Variants in TTN observed in about 807,000 individuals in gnomAD.
TTN encodes connectin.
A neutral mutation model predicts 3,223.0 loss-of-function variants in TTN; 1,525 were observed. The ratio of observed to expected loss-of-function variants is 0.47; its 90% CI spans 0.45 to 0.49. The LOEUF (loss-of-function observed/expected upper bound fraction) is 0.49, where lower values mean the gene tolerates loss of function less well. Among genes scored for constraint, TTN ranks in the 20% least tolerant of loss-of-function variants. The pLI is 0.00. For missense variants in TTN, 40,786 were observed against 43,424.0 expected, an observed-to-expected ratio of 0.94 and a Z score of 5.40; for synonymous variants, 14,094 against 15,161.0, an observed-to-expected ratio of 0.93 and a Z score of 5.17.
chr2:178,710,723 T>C lies in TTN; in HGVS notation c.28374A>G (p.Lys9458=), dbSNP rs936434591. The change falls in exon 98 of 363, where the codon AAA becomes AAG. Residue 9458 remains lysine, a synonymous_variant. Coordinates refer to ENST00000589042, the MANE Select transcript of TTN (RefSeq NM_001267550.2). ...LENSAHLTVL[K]VDKGDSGQYT... ...ATTGTCCAGAATCTCCTTTGTCTAC[T>C]TTGAGGACTGTCAGGTGGGCGCTGT... 1.2e-6 allele frequency: 2 copies of C among 1,613,718 alleles called. No homozygotes were observed. The highest frequency in any genetic ancestry group is 2.7e-5 in the African/African-American group (2 of 74,920).
chr2:178,527,754 G>A lies in TTN; in HGVS notation c.107378-6C>T, dbSNP rs1255018196. 1 of 1,573,790 alleles carries A rather than the reference G, an allele frequency of 6.4e-7. No homozygotes were observed. On this transcript the variant is annotated splice_polypyrimidine_tract_variant and splice_region_variant and intron_variant, in intron 361 of 362. Transcript: ENST00000589042. Reference sequence around the variant, plus strand: ...GGAAGGTTCTTCAACTAGAGCTGTGGAGCATAGCAGATACACAGTGAACAT... The same window carrying A: ...GGAAGGTTCTTCAACTAGAGCTGTGAAGCATAGCAGATACACAGTGAACAT...
intron 120 of TTN, 129 bp downstream of exon 120, chr2:178,692,368 A>C (rs1194138013): frequency 7.2e-6 from 7 of 972,236 alleles, no homozygotes; most frequent in Non-Finnish European, 1.1e-5. Flanking sequence ...CAAATAAATG[A>C]AATCAATATA....
intron 162 of TTN, 52 bp from the exon 163 acceptor site, chr2:178,666,953 A>G: frequency 3.1e-6 from 4 of 1,282,976 alleles, no homozygotes; most frequent in Non-Finnish European, 3.2e-6. Context: ...AGGCATAAAG[A>G]CATGACATAC....
At chr2:178,677,594 T>C in intron 146 of TTN, 27 bp downstream of exon 146, 2 of 1,581,238 alleles carry the variant, frequency 1.3e-6, no homozygotes, top group Non-Finnish European at 1.7e-6. Context: ...AAAGAGGCCT[T>C]GATGATTCCA....
rs770209333 is a variant in TTN at position 178,542,855 on chromosome 2, A to C, written c.96999T>G (p.Arg32333=). The change falls in exon 348 of 363, where the codon CGT becomes CGG. Residue 32333 remains arginine, a synonymous_variant. Coordinates refer to ENST00000589042, the MANE Select transcript of TTN (RefSeq NM_001267550.2). The part of the protein sequence containing the change: ...PVELVIPIAG[R]PPPAASWFFA... ...AGAACCAGGAAGCAGCAGGAGGTGG[A>C]CGGCCAGCAATAGGTATCACCAGCT... 1.2e-6 allele frequency: 2 copies of C among 1,613,832 alleles called. No homozygotes were observed. The highest frequency in any genetic ancestry group is 1.7e-6 in the Non-Finnish European group (2 of 1,179,778).
rs2081325701 is a variant in TTN, at chr2:178,735,715, C to T, written c.14731G>A (p.Val4911Ile). Residue 4911 changes from valine (V) to isoleucine (I), a missense_variant, in exon 50 of 363, where the codon GTA becomes ATA. Val to Ile is a conservative substitution (Grantham distance 29). Transcript: ENST00000589042. Reference protein sequence around the residue: ...INKKVHLECQVDEDRKVTVTW... With the variant: ...INKKVHLECQIDEDRKVTVTW... ...ACTGTGACTTTTCTGTCTTCATCTA[C>T]TTGGCACTCAAGGTGGACCTTCTTA... 5 of 1,613,806 alleles carry T rather than the reference C, an allele frequency of 3.1e-6. No individual in the cohort carries two copies. The highest frequency in any genetic ancestry group is 2.2e-5 in the East Asian group (1 of 44,842).
rs2076915544 is a variant in TTN, at chr2:178,713,171, A to G, written c.26963T>C (p.Leu8988Pro). 2 of 1,613,790 alleles carry G rather than the reference A, an allele frequency of 1.2e-6. No homozygotes were observed. Among genetic ancestry groups the G allele is most frequent in the East Asian group, 4.5e-5 (2 of 44,862 alleles). The change falls in exon 93 of 363, where the codon CTG (leucine) becomes CCG (proline). Residue 8988 changes from leucine (L) to proline (P), a missense_variant. By Grantham distance (98) the Leu-to-Pro change is moderately conservative. Transcript: ENST00000589042. ...GTAGTCACCACTGTCTGATTCTTCC[A>G]GCATGTTCACAGTTAAAGCACAAGT... Reference protein sequence around the residue: ...DNTCALTVNMLEESDSGDYTC... With the variant: ...DNTCALTVNMPEESDSGDYTC...
In TTN at chr2:178,534,701, AGTT is replaced by A; in HGVS notation, c.101911_101913del (p.Asn33971del). 1 of 1,613,808 alleles carries A rather than the reference AGTT, an allele frequency of 6.2e-7. No individual in the cohort carries two copies. The highest frequency in any genetic ancestry group is 8.5e-7 in the Non-Finnish European group (1 of 1,179,782). ...TCTGGGGCAGTGAATAGAAGCCTGA[AGTT>A]GTCCCCTGGTTTCAGCTGACGGGCT... On this transcript the variant is annotated inframe_deletion, in exon 358 of 363. Transcript: ENST00000589042.
At position 178,687,828 on chromosome 2, in the gene TTN, T is replaced by C. The variant is rs78287648; in HGVS notation, c.32311+283A>G. Among the ~76,000 whole-genome samples the C allele has an allele frequency of 0.014, 2,105 of 152,288 alleles. 44 individuals are homozygous for C. The highest frequency in any genetic ancestry group is 0.048 in the African/African-American group (2,014 of 41,548). ...TGTTTAATGAAAGGATATATGTATA[T>C]GGAGATACCTGCCCTGATTAATTAT... is the stretch of plus-strand genomic sequence containing the variant. On this transcript the variant is annotated intron_variant, in intron 127 of 362. Transcript: ENST00000589042.
Position 178,543,910 on chromosome 2 carries a change from G to A in TTN, c.96234C>T (p.Tyr32078=), listed in dbSNP as rs376532382. ...SLLIVDKVNR[Y]DAGKYTIEAE... ...CTTCAATTGTGTATTTTCCAGCATC[G>A]TACCGATTAACTTTGTCCACTATTA... is the stretch of plus-strand genomic sequence containing the variant. Residue 32078 remains tyrosine, a synonymous_variant, in exon 346 of 363, where the codon TAC becomes TAT. Coordinates refer to ENST00000589042, the MANE Select transcript of TTN (RefSeq NM_001267550.2). The A allele has an allele frequency of 1.5e-4, 243 of 1,613,524 alleles. No homozygotes were observed. Among genetic ancestry groups the A allele is most frequent in the Non-Finnish European group, 1.6e-4 (192 of 1,179,678 alleles).
intron 47 of TTN, among the ~76,000 whole-genome samples, chr2:178,743,669 T>C (rs955230187): frequency 2.0e-5 from 3 of 152,040 alleles, no homozygotes; most frequent in Admixed American, 6.6e-5. Context: ...TGCTGTATGA[T>C]GTTTGAGTAA....
Position 178,559,813 on chromosome 2 carries a change from G to T in TTN, c.86319C>A (p.Thr28773=). 1 of 1,610,070 alleles carries T rather than the reference G, an allele frequency of 6.2e-7. No homozygotes were observed. Among genetic ancestry groups the T allele is most frequent in the Non-Finnish European group, 8.5e-7 (1 of 1,179,316 alleles). ...TLIVKAGASF[T]MTVPFRGRPV... ...GTCTTCCTCGGAAAGGCACAGTCATGGTAAATGAGGCACCAGCCTTGACAA... is the reference window on the plus strand; with the variant it reads ...GTCTTCCTCGGAAAGGCACAGTCATTGTAAATGAGGCACCAGCCTTGACAA... The change falls in exon 326 of 363, where the codon ACC becomes ACA. Residue 28773 remains threonine, a synonymous_variant. Transcript: ENST00000589042.
chr2:178,629,171 T>TAAAGGCGGAAAGAGAAAGGC, intron 240 of TTN, 130 bp downstream of exon 240: 3 of 1,291,834 alleles, frequency 2.3e-6, no homozygotes, highest in Non-Finnish European at 3.1e-6. Flanking sequence ...GAAATCAGGC[T>TAAAGGCGGAAAGAGAAAGGC]AAAGGCGGAA....
In TTN at chr2:178,560,408, T is replaced by C. The variant is rs1703193280; in HGVS notation, c.85724A>G (p.Glu28575Gly). 1 of 1,613,568 alleles carries C rather than the reference T, an allele frequency of 6.2e-7. No individual in the cohort carries two copies. Among genetic ancestry groups the C allele is most frequent in the Non-Finnish European group, 8.5e-7 (1 of 1,179,792 alleles). Residue 28575 changes from glutamate to glycine, a missense_variant, in exon 326 of 363, where the codon GAG becomes GGG. Physicochemically the swap from Glu to Gly is moderately conservative, Grantham distance 98. Coordinates refer to ENST00000589042, the MANE Select transcript of TTN (RefSeq NM_001267550.2). Reference protein sequence around the residue: ...ESMTLCWSRPESDGGSEISGY... With the variant: ...ESMTLCWSRPGSDGGSEISGY... Reference sequence around the variant, plus strand: ...AGATATTTCACTACCTCCATCACTCTCGGGTCTTGACCAGCAAAGTGTCAT... The same window carrying C: ...AGATATTTCACTACCTCCATCACTCCCGGGTCTTGACCAGCAAAGTGTCAT...
rs749924208 is a variant in TTN at position 178,552,903 on chromosome 2, C to T, written c.89997G>A (p.Glu29999=). The change falls in exon 335 of 363, where the codon GAG becomes GAA. Residue 29999 remains glutamate, a synonymous_variant. Transcript: ENST00000589042. The part of the protein sequence containing the change: ...STSFKLIDLS[E]KTPFFFRVLA... ...GAACTCTGAAGAAGAATGGAGTCTT[C>T]TCCGACAAATCTATTAGCTTGAAGG... 1 of 1,613,800 alleles carries T rather than the reference C, an allele frequency of 6.2e-7. No individual in the cohort carries two copies. Among genetic ancestry groups the T allele is most frequent in the Non-Finnish European group, 8.5e-7 (1 of 1,179,812 alleles).
At position 178,717,240 on chromosome 2, in the gene TTN, A is replaced by T. The variant is rs1351834781; in HGVS notation, c.25494T>A (p.Pro8498=). The T allele has an allele frequency of 6.2e-7, 1 of 1,613,698 alleles. No homozygotes were observed. Among genetic ancestry groups the T allele is most frequent in the South Asian group, 1.1e-5 (1 of 91,072 alleles). The change falls in exon 88 of 363, where the codon CCT becomes CCA. Residue 8498 remains proline (P), a synonymous_variant. Transcript: ENST00000589042. ...CCAAAGTCATCTTGTAGTTGCCTCC[A>T]GGGCGAATCTCTCGGTTATCTTTGG... ...TWAKDNREIR[P]GGNYKMTLVE... is the part of the protein sequence containing the mutation.
In TTN at chr2:178,572,754, C is replaced by T. The variant is rs546803158; in HGVS notation, c.73378G>A (p.Val24460Met). The change falls in exon 326 of 363, where the codon GTG (valine) becomes ATG (methionine). Residue 24460 changes from valine (V) to methionine (M), a missense_variant. Transcript: ENST00000589042. ...VPIKGRPAPE[V>M]KWARDHGESL... is the part of the protein sequence containing the mutation. Reference sequence around the variant, plus strand: ...TCTCCATGGTCCCGGGCCCACTTCACCTCAGGTGCAGGCCTTCCTTTGATG... The same window carrying T: ...TCTCCATGGTCCCGGGCCCACTTCATCTCAGGTGCAGGCCTTCCTTTGATG... 48 of 1,613,508 alleles carry T rather than the reference C, an allele frequency of 3.0e-5. No homozygotes were observed. Among genetic ancestry groups the T allele is most frequent in the South Asian group, 2.9e-4 (26 of 91,066 alleles).
intron 112 of TTN, among the ~76,000 whole-genome samples, chr2:178,698,005 G>A (rs1298466609): frequency 6.6e-6 from 1 of 152,072 alleles, no homozygotes; most frequent in Non-Finnish European, 1.5e-5. Flanking sequence ...GTCCATCAAT[G>A]GATGAATACA....
At chr2:178,789,163 T>G (rs575969456) in intron 13 of TTN, among the ~76,000 whole-genome samples, 197 bp downstream of exon 13, 2 of 152,254 alleles carry the variant, frequency 1.3e-5, no homozygotes, top group South Asian at 4.1e-4. Context: ...GAAAGGGATA[T>G]GTAGTAATAT....
Sources: allele counts gnomAD v4.1 joint callset (sites outside exome capture counted in the v4.1 genomes callset), GRCh38; gene constraint gnomAD v4.1.1; transcripts MANE v1.5; gene names NCBI Gene and HGNC (gene_info 2026-07-23, HGNC 2026-07-21).